ATP10D: variants seen among roughly 807,000 people sequenced by gnomAD.
ATP10D encodes phospholipid-transporting ATPase VD.
ATP10D carries 89 observed loss-of-function variants against 144.8 expected under a neutral mutation model. The observed-to-expected ratio is 0.61, with a 90% CI of 0.52 to 0.73. The LOEUF is 0.73. ATP10D is among the 30% of genes least tolerant of loss of function. The pLI is 0.00. For missense variants in ATP10D, 1,603 were observed against 1,714.8 expected, an observed-to-expected ratio of 0.93 and a Z score of 1.15; for synonymous variants, 571 against 615.1, an observed-to-expected ratio of 0.93 and a Z score of 1.06.
At chr4:47,575,125 C>T (rs1330430794) in intron 18 of ATP10D, among the ~76,000 whole-genome samples, 1 of 152,012 alleles carries the variant, frequency 6.6e-6, no homozygotes, top group Admixed American at 6.6e-5. Flanking sequence ...CCGATGATGA[C>T]CATTTTCTAA....
At chr4:47,589,220 C>T (rs2109484217) in intron 22 of ATP10D, among the ~76,000 whole-genome samples, 1 of 152,242 alleles carries the variant, frequency 6.6e-6, no homozygotes, top group Non-Finnish European at 1.5e-5. Context: ...CTTTCCAATA[C>T]CTTGATTTTG....
chr4:47,530,230 G>A (rs982956902), intron 5 of ATP10D, among the ~76,000 whole-genome samples: 2 of 151,908 alleles, frequency 1.3e-5, no homozygotes, highest in African/African-American at 4.8e-5. Context: ...CCGGAACAAC[G>A]GTTATTAGGG....
intron 17 of ATP10D, 96 bp from the exon 18 acceptor site, chr4:47,572,776 A>G: frequency 1.4e-6 from 2 of 1,468,484 alleles, no homozygotes; most frequent in South Asian, 1.2e-5. Flanking sequence ...AGAAGAAGGT[A>G]GAATATGAGG....
intron 18 of ATP10D, among the ~76,000 whole-genome samples, chr4:47,576,024 C>T (rs1213820756): frequency 3.4e-5 from 5 of 146,626 alleles, no homozygotes; most frequent in African/African-American, 1.0e-4. Context: ...CTCCGCCTCC[C>T]GGGTTCACGC....
rs115226408 is a variant in ATP10D at position 47,590,794 on chromosome 4, A to G, written c.3942-248A>G. Among the ~76,000 whole-genome samples the G allele has an allele frequency of 7.1e-3, 1,080 of 152,158 alleles. 8 individuals are homozygous for G. The highest frequency in any genetic ancestry group is 0.024 in the Middle Eastern group (7 of 294). Reference sequence around the variant, plus strand: ...TTATATCTCTACTTTTATAGATGCTATTTAGTTTTGCTTTTTAATAAACAC... The same window carrying G: ...TTATATCTCTACTTTTATAGATGCTGTTTAGTTTTGCTTTTTAATAAACAC... On this transcript the variant is annotated intron_variant, in intron 22 of 22. Coordinates refer to ENST00000273859, the MANE Select transcript of ATP10D (RefSeq NM_020453.4).
intron 20 of ATP10D, among the ~76,000 whole-genome samples, chr4:47,581,292 G>A (rs1285181150): frequency 6.6e-6 from 1 of 152,134 alleles, no homozygotes. Flanking sequence ...AAGAAGCATT[G>A]TATAGCTGCT....
chr4:47,575,593 G>A (rs1002841371), intron 18 of ATP10D, among the ~76,000 whole-genome samples: 1 of 152,166 alleles, frequency 6.6e-6, no homozygotes, highest in Non-Finnish European at 1.5e-5. Flanking sequence ...CCTACTCCAT[G>A]TCTGTGCCAG....
chr4:47,534,903 A>G (rs540150097), intron 5 of ATP10D, among the ~76,000 whole-genome samples: 1 of 152,256 alleles, frequency 6.6e-6, no homozygotes, highest in East Asian at 1.9e-4. Flanking sequence ...AAAGACACAG[A>G]ATCAACCCAA....
Position 47,522,421 on chromosome 4 carries a change from C to T in ATP10D, c.486-591C>T, listed in dbSNP as rs186164574. On this transcript the variant is annotated intron_variant, in intron 3 of 22. Transcript: ENST00000273859. The stretch of plus-strand genomic sequence containing the variant: ...ATCAAATGTTGATTGTAATTTTATT[C>T]CAGAGTTAGACTCAAACAGCATAAT... Among the ~76,000 whole-genome samples, 15 of 152,226 alleles carry T rather than the reference C, an allele frequency of 9.9e-5. No individual in the cohort carries two copies. In the East Asian group the frequency reaches 2.5e-3, roughly 25 times the overall value.
intron 10 of ATP10D, among the ~76,000 whole-genome samples, chr4:47,548,232 T>C (rs771186916): frequency 1.3e-5 from 2 of 152,230 alleles, no homozygotes; most frequent in Non-Finnish European, 2.9e-5. Flanking sequence ...ATTGGTTATT[T>C]CTTAGTTTAA....
chr4:47,553,965 T>C (rs1718848362), intron 10 of ATP10D, among the ~76,000 whole-genome samples: 1 of 152,222 alleles, frequency 6.6e-6, no homozygotes, highest in Non-Finnish European at 1.5e-5. Flanking sequence ...TTGACTCAGC[T>C]GAAAAATTTC....
chr4:47,535,668 A>G, intron 6 of ATP10D, 53 bp downstream of exon 6: 1 of 1,530,358 alleles, frequency 6.5e-7, no homozygotes, highest in Admixed American at 2.2e-5. Flanking sequence ...CTACAAGTTA[A>G]CATTTTTCAT....
In ATP10D at chr4:47,546,807, GAGA is replaced by G. The variant is rs1718460960; in HGVS notation, c.1583_1585del (p.Glu528del). The G allele has an allele frequency of 6.2e-7, 1 of 1,613,414 alleles. No individual in the cohort carries two copies. Among genetic ancestry groups the G allele is most frequent in the African/African-American group, 1.3e-5 (1 of 74,908 alleles). On this transcript the variant is annotated inframe_deletion, in exon 10 of 23. Transcript: ENST00000273859. Reference sequence around the variant, plus strand: ...GGGAGCTCTTTTACTCTAGGAAGTGGAGAAGGAGCCAGTGAAGTGCCTCATTCC... The same window carrying G: ...GGGAGCTCTTTTACTCTAGGAAGTGGAGGAGCCAGTGAAGTGCCTCATTCC...
chr4:47,576,309 T>A (rs927892048), intron 18 of ATP10D, among the ~76,000 whole-genome samples: 22 of 152,298 alleles, frequency 1.4e-4, no homozygotes, highest in African/African-American at 5.3e-4. Context: ...GATAGTGCTC[T>A]GTGCTCTCAA....
At chr4:47,524,139 G>A (rs1717113089) in intron 4 of ATP10D, among the ~76,000 whole-genome samples, 1 of 152,120 alleles carries the variant, frequency 6.6e-6, no homozygotes, top group Non-Finnish European at 1.5e-5. Context: ...TGTTAGCCAG[G>A]ATGGTCTTGA....
chr4:47,498,789 G>T (rs1471231883), intron 1 of ATP10D, among the ~76,000 whole-genome samples: 4 of 152,154 alleles, frequency 2.6e-5, no homozygotes, highest in African/African-American at 9.7e-5. Flanking sequence ...AGGAGAAACA[G>T]GTATTAAATC....
chr4:47,560,887 T>C, intron 13 of ATP10D, 62 bp from the exon 14 acceptor site: 3 of 1,600,572 alleles, frequency 1.9e-6, no homozygotes, highest in Non-Finnish European at 2.6e-6. Flanking sequence ...CAGAGGTCAG[T>C]CCTGGTATTC....
In ATP10D at chr4:47,536,040, A is replaced by C. The variant is rs776637798; in HGVS notation, c.1015+7A>C. 6.3e-7 allele frequency: 1 copy of C among 1,598,898 alleles called. No homozygotes were observed. Among genetic ancestry groups the C allele is most frequent in the Non-Finnish European group, 8.5e-7 (1 of 1,174,906 alleles). ...TGCTTAACTGGCGCAGTAGGTAGGT[A>C]AAATTTGATTATTTGCTGACATCTT... On this transcript the variant is annotated splice_region_variant and intron_variant, in intron 7 of 22. Coordinates refer to ENST00000273859, the MANE Select transcript of ATP10D (RefSeq NM_020453.4).
intron 10 of ATP10D, among the ~76,000 whole-genome samples, chr4:47,548,690 G>A (rs1164234718): frequency 3.3e-5 from 5 of 152,178 alleles, no homozygotes; most frequent in Non-Finnish European, 7.3e-5. Flanking sequence ...TTGTGCTGCT[G>A]TTACTGTTGT....
Sources: gnomAD v4.1 joint callset for allele counts (sites outside exome capture counted in the v4.1 genomes callset) on GRCh38, gnomAD v4.1.1 for gene constraint, MANE v1.5 for transcripts, NCBI Gene and HGNC (gene_info 2026-07-23, HGNC 2026-07-21) for gene names.